The following NRP1 variants were observed in gnomAD, a reference collection of about 807,000 sequenced individuals.
NRP1 encodes neuropilin-1.
In NRP1, 35 loss-of-function variants were observed where a neutral mutation model predicts 106.7. That is an observed-to-expected ratio of 0.33 (90% CI 0.25 to 0.43). NRP1 has a LOEUF of 0.43. Ranked by LOEUF, NRP1 falls within the 20% of genes least tolerant of loss-of-function variation. NRP1 has a pLI of 1.00. For synonymous variants in NRP1, 437 were observed against 417.9 expected (o/e 1.05, Z -0.56); for missense variants, 1,024 against 1,170.4 (o/e 0.87, Z 1.83).
chr10:33,192,410 T>C lies in NRP1; in HGVS notation c.1933A>G (p.Thr645Ala), dbSNP rs1447492538. The C allele has an allele frequency of 3.1e-6, 5 of 1,613,576 alleles. No homozygotes were observed. The highest frequency in any genetic ancestry group is 4.2e-6 in the Non-Finnish European group (5 of 1,179,878). The part of the protein sequence containing the change: ...IDSTIQSEFP[T>A]YGFNCEFGWG... ...CCAAATTCACAGTTAAAACCATATG[T>C]TGGAAACTCTTCAGTGGGTGGGAAG... is the stretch of plus-strand genomic sequence containing the variant. The change falls in exon 13 of 17, where the codon ACA (threonine) becomes GCA (alanine). Residue 645 changes from threonine (T) to alanine (A), a missense_variant. By Grantham distance (58) the Thr-to-Ala change is moderately conservative. This residue lies in a region of NRP1 where 562 missense variants were observed against 620.3 expected (regional missense o/e 0.91). Coordinates refer to ENST00000374867, the MANE Select transcript of NRP1 (RefSeq NM_003873.7).
chr10:33,298,615 C>T (rs895048803), intron 2 of NRP1, among the ~76,000 whole-genome samples: 1 of 152,168 alleles, frequency 6.6e-6, no homozygotes, highest in Non-Finnish European at 1.5e-5. Context: ...GGCCAGGCAT[C>T]GTCCTTGGCT....
intron 8 of NRP1, among the ~76,000 whole-genome samples, chr10:33,213,988 T>A (rs1201279584): frequency 6.6e-6 from 1 of 152,176 alleles, no homozygotes; most frequent in Non-Finnish European, 1.5e-5. Flanking sequence ...AGTTTAACAT[T>A]CATATTTCAG....
intron 2 of NRP1, among the ~76,000 whole-genome samples, chr10:33,316,697 T>C (rs993672827): frequency 6.6e-6 from 1 of 152,140 alleles, no homozygotes; most frequent in Non-Finnish European, 1.5e-5. Flanking sequence ...CACCATGAGA[T>C]GCAGGAGAGA....
intron 3 of NRP1, among the ~76,000 whole-genome samples, chr10:33,264,752 G>C (rs1184577126): frequency 6.6e-6 from 1 of 152,128 alleles, no homozygotes; most frequent in African/African-American, 2.4e-5. Context: ...CTGTATGAAT[G>C]ACTCCAATTT....
At chr10:33,220,900 C>CAAAAAAAAAAAAAAAAAAAAAA (rs35895871) in intron 8 of NRP1, among the ~76,000 whole-genome samples, 9 of 60,660 alleles carry the variant, frequency 1.5e-4, no homozygotes, top group Admixed American at 2.0e-4. Flanking sequence ...GGCTCAGTCT[C>CAAAAAAAAAAAAAAAAAAAAAA]AAAAAAAAAA....
rs1182706316 is a variant in NRP1 at position 33,232,659 on chromosome 10, T to TTTTG, written c.982-6371_982-6370insCAAA. Reference sequence around the variant, plus strand: ...TTTCCTTTTTTTTTTTTTTTTTTTTTTTGAGACAGAGTCTCAGTCTGTCCC... The same window carrying TTTTG: ...TTTCCTTTTTTTTTTTTTTTTTTTTTTTTGTTGAGACAGAGTCTCAGTCTGTCCC... On this transcript the variant is annotated intron_variant, in intron 6 of 16. Coordinates refer to ENST00000374867, the MANE Select transcript of NRP1 (RefSeq NM_003873.7). Among the ~76,000 whole-genome samples, 6 of 147,726 alleles carry TTTTG rather than the reference T, an allele frequency of 4.1e-5. No homozygotes were observed. In the South Asian group the frequency reaches 1.1e-3, roughly 27 times the overall value.
At chr10:33,199,365 TTCTA>T (rs1484699754) in intron 11 of NRP1, among the ~76,000 whole-genome samples, 11 of 64,268 alleles carry the variant, frequency 1.7e-4, no homozygotes, top group Non-Finnish European at 1.9e-4. Context: ...CCTGGCTGTT[TTCTA>T]TATATATATA....
At chr10:33,319,397 G>A (rs989239045) in intron 2 of NRP1, among the ~76,000 whole-genome samples, 2 of 152,008 alleles carry the variant, frequency 1.3e-5, no homozygotes, top group African/African-American at 4.8e-5. Context: ...GCTAGCTAGA[G>A]GTTTGTAAAA....
chr10:33,294,175 T>C (rs1845208240), intron 2 of NRP1, among the ~76,000 whole-genome samples: 1 of 152,180 alleles, frequency 6.6e-6, no homozygotes, highest in Non-Finnish European at 1.5e-5. Flanking sequence ...GTCCTACATA[T>C]CTCAAACGCT....
chr10:33,206,667 C>T (rs1837810118), intron 10 of NRP1, among the ~76,000 whole-genome samples: 1 of 152,140 alleles, frequency 6.6e-6, no homozygotes, highest in Non-Finnish European at 1.5e-5. Flanking sequence ...ATCTGGATGC[C>T]TACAATAGTC....
chr10:33,327,677 AGG>A (rs76326128), intron 2 of NRP1, among the ~76,000 whole-genome samples: 24,110 of 151,640 alleles, frequency 0.16, 2,272 homozygotes, highest in Non-Finnish European at 0.22. Flanking sequence ...TTTTCCCCCT[AGG>A]GCATTCCAAT....
rs188552135 is a variant in NRP1 at position 33,221,406 on chromosome 10, C to T, written c.1282+313G>A. Among the ~76,000 whole-genome samples the T allele has an allele frequency of 1.8e-3, 272 of 152,214 alleles. 1 individual carries two copies. Among genetic ancestry groups the T allele is most frequent in the East Asian group, 9.3e-3 (48 of 5,176 alleles). ...ACCTACCACATGCCAGGCTGTGCTACGTGCTTATATCCATTATCTATTAAT... is the reference window on the plus strand; with the variant it reads ...ACCTACCACATGCCAGGCTGTGCTATGTGCTTATATCCATTATCTATTAAT... On this transcript the variant is annotated intron_variant, in intron 8 of 16. Coordinates refer to ENST00000374867, the MANE Select transcript of NRP1 (RefSeq NM_003873.7).
chr10:33,214,576 T>C lies in NRP1; in HGVS notation c.1283-859A>G, dbSNP rs566154966. 1.4e-4 allele frequency among the ~76,000 whole-genome samples: 22 copies of C among 152,324 alleles called. No homozygotes were observed. The South Asian group carries it at 4.6e-3, about 32-fold the overall frequency. On this transcript the variant is annotated intron_variant, in intron 8 of 16. Transcript: ENST00000374867. ...GCCAGGGTGCTACATCAGCTCTTGG[T>C]TGGCCTCCCAGACCCCACTTTGAAT... is the stretch of plus-strand genomic sequence containing the variant.
intron 2 of NRP1, among the ~76,000 whole-genome samples, chr10:33,322,431 G>A (rs1382688868): frequency 6.6e-6 from 1 of 152,082 alleles, no homozygotes; most frequent in East Asian, 1.9e-4. Context: ...AAGCTGGAGT[G>A]CAGTGGCAAG....
At position 33,303,857 on chromosome 10, in the gene NRP1, C is replaced by G. The variant is rs778757422; in HGVS notation, c.248+26851G>C. ...GGACAATAAACAAGTCATTGTCCAT[C>G]TTTCTATACCCGTGTAGTACTCACT... On this transcript the variant is annotated intron_variant, in intron 2 of 16. Transcript: ENST00000374867. 2.0e-5 allele frequency among the ~76,000 whole-genome samples: 3 copies of G among 152,238 alleles called. 1 individual carries two copies. In the South Asian group the frequency reaches 6.2e-4, roughly 31 times the overall value.
At chr10:33,188,102 A>C (rs1196251102) in intron 13 of NRP1, among the ~76,000 whole-genome samples, 2 of 152,086 alleles carry the variant, frequency 1.3e-5, no homozygotes, top group Admixed American at 6.5e-5. Context: ...TCAAGATGTG[A>C]TTACTTGTCT....
chr10:33,294,393 G>A (rs529285796), intron 2 of NRP1, among the ~76,000 whole-genome samples: 4 of 152,230 alleles, frequency 2.6e-5, no homozygotes, highest in Admixed American at 6.5e-5. Flanking sequence ...CGAAGAGGGC[G>A]GATCTCCTGA....
At chr10:33,203,041 T>C in intron 10 of NRP1, 46 bp from the exon 11 acceptor site, 1 of 1,556,836 alleles carries the variant, frequency 6.4e-7, no homozygotes, top group Non-Finnish European at 8.7e-7. Context: ...TGGAAATGTA[T>C]TCTCAAGCCT....
chr10:33,232,898 T>G (rs1466792245), intron 6 of NRP1, among the ~76,000 whole-genome samples: 1 of 152,230 alleles, frequency 6.6e-6, no homozygotes, highest in Non-Finnish European at 1.5e-5. Flanking sequence ...TCTGCCCGCC[T>G]TGGCCTCCCA....
Sources: gnomAD v4.1 joint callset for allele counts (sites outside exome capture counted in the v4.1 genomes callset) on GRCh38, gnomAD v4.1.1 for gene constraint, gnomAD v4.1.1 regional missense constraint, MANE v1.5 for transcripts, NCBI Gene and HGNC (gene_info 2026-07-23, HGNC 2026-07-21) for gene names.